TNFRSF13B: variants seen among roughly 807,000 people sequenced by gnomAD.
TNFRSF13B encodes tumor necrosis factor receptor superfamily member 13B.
TNFRSF13B carries 34 observed loss-of-function variants against 24.0 expected under a neutral mutation model. The observed-to-expected ratio is 1.41, with a 90% CI of 1.08 to 1.88. The LOEUF is 1.88. Among genes scored for constraint, TNFRSF13B ranks in the 40% most tolerant of loss-of-function variants. The pLI, the probability that TNFRSF13B is intolerant of heterozygous loss-of-function variation, is 0.00. For missense variants in TNFRSF13B, 415 were observed against 380.8 expected, an observed-to-expected ratio of 1.09 and a Z score of -0.75; for synonymous variants, 173 against 150.3, an observed-to-expected ratio of 1.15 and a Z score of -1.10.
chr17:16,952,694 C>G (rs1310332350), intron 1 of TNFRSF13B, 111 bp from the exon 2 acceptor site: 1 of 1,523,386 alleles, frequency 6.6e-7, no homozygotes, highest in Non-Finnish European at 9.0e-7. Context: ...GACAACCTTT[C>G]TGTCTGAGGA....
intron 2 of TNFRSF13B, among the ~76,000 whole-genome samples, 164 bp from the exon 3 acceptor site, chr17:16,949,147 G>A (rs574450399): frequency 1.7e-4 from 26 of 152,122 alleles, no homozygotes; most frequent in Non-Finnish European, 1.9e-4. Context: ...TGAAGACTAT[G>A]CATTGTCCTC....
chr17:16,957,612 A>G (rs891216524), intron 1 of TNFRSF13B, among the ~76,000 whole-genome samples: 2 of 152,216 alleles, frequency 1.3e-5, no homozygotes, highest in East Asian at 1.9e-4. Flanking sequence ...GAGAGAAGCA[A>G]CTTCTTGTGT....
chr17:16,964,813 G>T lies in TNFRSF13B; in HGVS notation c.61+7202C>A, dbSNP rs1456677283. Among the ~76,000 whole-genome samples the T allele has an allele frequency of 3.3e-5, 5 of 152,164 alleles. No homozygotes were observed. In the South Asian group the frequency reaches 6.2e-4, roughly 19 times the overall value. The stretch of plus-strand genomic sequence containing the variant: ...ATTCGCCATGGTTCAGTGACCCAGA[G>T]TGTGCCGGAGTGAAGTGCCCGTGGT... On this transcript the variant is annotated intron_variant, in intron 1 of 4. Transcript: ENST00000261652.
intron 3 of TNFRSF13B, among the ~76,000 whole-genome samples, chr17:16,946,820 A>G (rs907673409): frequency 9.2e-5 from 14 of 152,024 alleles, no homozygotes; most frequent in Admixed American, 2.0e-4. Flanking sequence ...ACTCCGAACC[A>G]CAAGTGATCC....
intron 2 of TNFRSF13B, among the ~76,000 whole-genome samples, chr17:16,949,868 T>A (rs1181711492): frequency 1.3e-5 from 2 of 151,972 alleles, no homozygotes; most frequent in African/African-American, 2.4e-5. Flanking sequence ...GTATTTTTAG[T>A]AGAGATGGAC....
intron 1 of TNFRSF13B, among the ~76,000 whole-genome samples, chr17:16,968,249 C>T (rs2087719547): frequency 6.6e-6 from 1 of 152,058 alleles, no homozygotes; most frequent in African/African-American, 2.4e-5. Context: ...GAAAGCCATC[C>T]CATGCTCATG....
At chr17:16,956,823 C>T (rs1470155821) in intron 1 of TNFRSF13B, among the ~76,000 whole-genome samples, 4 of 152,084 alleles carry the variant, frequency 2.6e-5, no homozygotes, top group African/African-American at 9.7e-5. Flanking sequence ...ACTATGGAGA[C>T]AATACAAAAA....
intron 3 of TNFRSF13B, among the ~76,000 whole-genome samples, chr17:16,946,005 A>G (rs1864237064): frequency 6.6e-6 from 1 of 152,220 alleles, no homozygotes. Context: ...CACTTGTCCC[A>G]GGAGGAGGAT....
intron 1 of TNFRSF13B, among the ~76,000 whole-genome samples, chr17:16,964,483 C>T (rs747349361): frequency 6.6e-5 from 10 of 151,622 alleles, no homozygotes; most frequent in Admixed American, 3.9e-4. Flanking sequence ...GCTGGGATTA[C>T]AGGTGTGTGC....
chr17:16,963,212 G>A (rs978719036), intron 1 of TNFRSF13B, among the ~76,000 whole-genome samples: 6 of 152,212 alleles, frequency 3.9e-5, no homozygotes, highest in East Asian at 1.9e-4. Flanking sequence ...TATTGAGCAC[G>A]TTAGTAAAGA....
intron 1 of TNFRSF13B, among the ~76,000 whole-genome samples, chr17:16,953,918 T>A (rs1391586890): frequency 6.6e-6 from 1 of 152,148 alleles, no homozygotes; most frequent in Admixed American, 6.5e-5. Context: ...AAGTGCATGC[T>A]ACCATGTCTG....
intron 1 of TNFRSF13B, among the ~76,000 whole-genome samples, chr17:16,964,787 G>A (rs953606637): frequency 1.3e-5 from 2 of 152,154 alleles, no homozygotes; most frequent in Non-Finnish European, 2.9e-5. Flanking sequence ...GTTGAAAACG[G>A]ATTCGCCATG....
At chr17:16,946,044 G>A (rs2087545379) in intron 3 of TNFRSF13B, among the ~76,000 whole-genome samples, 1 of 152,212 alleles carries the variant, frequency 6.6e-6, no homozygotes, top group African/African-American at 2.4e-5. Flanking sequence ...AGCCAGCCTG[G>A]CACAGCTGAG....
Position 16,939,584 on chromosome 17 carries a change from A to ACT in TNFRSF13B, c.844_845insAG (p.Val282GlufsTer43). 6.2e-7 allele frequency: 1 copy of ACT among 1,612,746 alleles called. No individual in the cohort carries two copies. The highest frequency in any genetic ancestry group is 8.5e-7 in the Non-Finnish European group (1 of 1,179,552). On this transcript the variant is annotated frameshift_variant, in exon 5 of 5. Transcript: ENST00000261652. LOFTEE classifies it low-confidence loss of function (END_TRUNC). ...GCCCCCCTCCTGGGCAGGCACACAC[A>ACT]CAATGCCAAGGCCACTGTCTGGGAT... is the stretch of plus-strand genomic sequence containing the variant.
At chr17:16,958,048 A>G (rs921571790) in intron 1 of TNFRSF13B, among the ~76,000 whole-genome samples, 8 of 152,124 alleles carry the variant, frequency 5.3e-5, no homozygotes, top group Non-Finnish European at 1.0e-4. Context: ...TTGCAAACCT[A>G]TGTTAGTGGT....
At chr17:16,962,249 G>A (rs2087667356) in intron 1 of TNFRSF13B, among the ~76,000 whole-genome samples, 2 of 152,248 alleles carry the variant, frequency 1.3e-5, no homozygotes, top group South Asian at 2.1e-4. Flanking sequence ...GCTCATGCCT[G>A]TTCTCCAATC....
chr17:16,939,508 C>A lies in TNFRSF13B; in HGVS notation c.*39G>T. 6.3e-7 allele frequency: 1 copy of A among 1,599,376 alleles called. No individual in the cohort carries two copies. ...CCTCTCTTTCTCTCTCCCCTCCTCT[C>A]CATCTCTCTCCCTCCTCCTTTCCCT... On this transcript the variant is annotated 3_prime_UTR_variant, in exon 5 of 5. Transcript: ENST00000261652.
chr17:16,946,071 ACT>A (rs2087545490), intron 3 of TNFRSF13B, among the ~76,000 whole-genome samples: 1 of 152,184 alleles, frequency 6.6e-6, no homozygotes, highest in Non-Finnish European at 1.5e-5. Flanking sequence ...CAAACCCCTG[ACT>A]CGGGAGAAAG....
At chr17:16,957,976 G>A (rs1343516440) in intron 1 of TNFRSF13B, among the ~76,000 whole-genome samples, 1 of 152,118 alleles carries the variant, frequency 6.6e-6, no homozygotes, top group Non-Finnish European at 1.5e-5. Context: ...TTTACATTTT[G>A]CATGGTTTGT....
Sources: allele counts gnomAD v4.1 joint callset (sites outside exome capture counted in the v4.1 genomes callset), GRCh38; gene constraint gnomAD v4.1.1; transcripts MANE v1.5; gene names NCBI Gene and HGNC (gene_info 2026-07-23, HGNC 2026-07-21).